Variants in NKTR observed in about 807,000 individuals in gnomAD.
NKTR encodes the protein NK-tumor recognition protein.
Under a neutral mutation model 156.3 loss-of-function variants are expected in NKTR, and 67 were observed. The observed-to-expected ratio is 0.43, with a 90% confidence interval of 0.35 to 0.53. NKTR has a LOEUF of 0.53. NKTR is among the 20% of genes least tolerant of loss of function. The pLI, the probability that NKTR is intolerant of heterozygous loss-of-function variation, is 0.01. For synonymous variants in NKTR, 640 were observed against 596.6 expected (o/e 1.07, Z -1.06); for missense variants, 1,604 against 1,730.9 (o/e 0.93, Z 1.30).
chr3:42,604,659 C>CCTT (rs1706021574), intron 2 of NKTR, among the ~76,000 whole-genome samples: 4 of 45,294 alleles, frequency 8.8e-5, no homozygotes, highest in Admixed American at 3.1e-4. Context: ...TATTTCTCTC[C>CCTT]TTTTTTTTTT....
At chr3:42,613,612 A>G (rs1307732071) in intron 2 of NKTR, among the ~76,000 whole-genome samples, 1 of 152,166 alleles carries the variant, frequency 6.6e-6, no homozygotes, top group Non-Finnish European at 1.5e-5. Flanking sequence ...TTCCAGCGCA[A>G]CTATTTCTGA....
At chr3:42,612,891 G>A (rs534275089) in intron 2 of NKTR, among the ~76,000 whole-genome samples, 13 of 151,974 alleles carry the variant, frequency 8.6e-5, no homozygotes, top group African/African-American at 3.1e-4. Flanking sequence ...TGATATCTTG[G>A]TGTTGCTCCA....
chr3:42,637,246 C>T lies in NKTR; in HGVS notation c.1542C>T (p.Ser514=). The change falls in exon 13 of 17, where the codon TCC becomes TCT. Residue 514 remains serine, a synonymous_variant. Coordinates refer to ENST00000232978, the MANE Select transcript of NKTR (RefSeq NM_005385.4). Reference sequence around the variant, plus strand: ...ATGTCCAGAGCTCTTTAACCCATTCCAGCAGAGACTCATACAGATCAAAAT... The same window carrying T: ...ATGTCCAGAGCTCTTTAACCCATTCTAGCAGAGACTCATACAGATCAAAAT... ...DKDVQSSLTH[S]SRDSYRSKSH... The T allele has an allele frequency of 6.2e-7, 1 of 1,612,030 alleles. No homozygotes were observed. The highest frequency in any genetic ancestry group is 8.5e-7 in the Non-Finnish European group (1 of 1,179,388).
At position 42,646,043 on chromosome 3, in the gene NKTR, C is replaced by A; in HGVS notation, c.*68C>A. 8.8e-7 allele frequency: 1 copy of A among 1,134,900 alleles called. No homozygotes were observed. The highest frequency in any genetic ancestry group is 1.3e-6 in the Non-Finnish European group (1 of 760,660). 70.3% of individuals were successfully genotyped at this position (1,134,900 alleles called of 1,614,324 possible). A position where few individuals can be genotyped will look rare whatever the true frequency, so the allele number is the denominator to read the frequency against. On this transcript the variant is annotated 3_prime_UTR_variant, in exon 17 of 17. Coordinates refer to ENST00000232978, the MANE Select transcript of NKTR (RefSeq NM_005385.4). ...CAACTTAGCTTAAGAAATGTAATGA[C>A]AGTCTGTTGTTCTATTTCAATATCA...
chr3:42,625,948 T>C (rs530039188), intron 6 of NKTR, among the ~76,000 whole-genome samples: 19 of 152,300 alleles, frequency 1.2e-4, no homozygotes, highest in African/African-American at 4.6e-4. Flanking sequence ...ACTTCTATTT[T>C]GGTGACTTTT....
rs139937562 is a variant in NKTR at position 42,605,892 on chromosome 3, C to G, written c.58+4828C>G. Among the ~76,000 whole-genome samples the G allele has an allele frequency of 4.9e-3, 752 of 152,228 alleles. 2 individuals carry two copies. Among genetic ancestry groups the G allele is most frequent in the Non-Finnish European group, 8.4e-3 (569 of 68,024 alleles). On this transcript the variant is annotated intron_variant, in intron 2 of 16. Coordinates refer to ENST00000232978, the MANE Select transcript of NKTR (RefSeq NM_005385.4). ...GAGAAGAGTAATTAAATAATGCCAT[C>G]TTATAGATTGTATTAGAGTAACATG...
rs772445330 is a variant in NKTR at position 42,636,943 on chromosome 3, A to T, written c.1239A>T (p.Gly413=). 3 of 1,603,882 alleles carry T rather than the reference A, an allele frequency of 1.9e-6. No homozygotes were observed. Among genetic ancestry groups the T allele is most frequent in the South Asian group, 2.3e-5 (2 of 88,574 alleles). Reference sequence around the variant, plus strand: ...GATCCAGATCATGGTCCTATAATGGATATTATTCAGACCTTAGTACAGCAA... The same window carrying T: ...GATCCAGATCATGGTCCTATAATGGTTATTATTCAGACCTTAGTACAGCAA... The part of the protein sequence containing the change: ...SQRSRSWSYN[G]YYSDLSTARH... Residue 413 remains glycine (G), a synonymous_variant, in exon 13 of 17, where the codon GGA becomes GGT. Coordinates refer to ENST00000232978, the MANE Select transcript of NKTR (RefSeq NM_005385.4).
At chr3:42,629,417 ATG>A (rs1184036542) in intron 6 of NKTR, 1 of 936,998 alleles carries the variant, frequency 1.1e-6, no homozygotes, top group East Asian at 1.2e-4. Context: ...AATATTCTTA[ATG>A]TAAGTATAAG....
At chr3:42,601,360 C>G (rs1485190762) in intron 2 of NKTR, 1 of 270,940 alleles carries the variant, frequency 3.7e-6, no homozygotes, top group Non-Finnish European at 7.0e-6. Context: ...AGGACTTTTT[C>G]TCTCCCAGTG....
Position 42,617,636 on chromosome 3 carries a change from T to A in NKTR, c.125T>A (p.Leu42Ter). Residue 42 changes from leucine (L) to a stop codon, truncating the protein, a stop_gained, in exon 3 of 17, where the codon TTG (leucine) becomes TAG (stop). Transcript: ENST00000232978. LOFTEE classifies it high-confidence loss of function. ...AAAACATGCAAAAACTTCCTTTGCT[T>A]GTGCTCAGGTAAGTGAATTATTATT... is the stretch of plus-strand genomic sequence containing the variant. ...CPKTCKNFLC[L>*]CSGEKGLGKT... 6.4e-7 allele frequency: 1 copy of A among 1,569,828 alleles called. No individual in the cohort carries two copies. The highest frequency in any genetic ancestry group is 8.8e-7 in the Non-Finnish European group (1 of 1,139,930).
At chr3:42,635,446 T>C (rs1193188125) in intron 12 of NKTR, 80 bp downstream of exon 12, 15 of 1,108,474 alleles carry the variant, frequency 1.4e-5, no homozygotes, top group Non-Finnish European at 1.9e-5. Context: ...TTCTGGACTT[T>C]TCATTAAAGA....
chr3:42,609,587 C>G (rs2125766147), intron 2 of NKTR, among the ~76,000 whole-genome samples: 1 of 152,276 alleles, frequency 6.6e-6, no homozygotes, highest in African/African-American at 2.4e-5. Flanking sequence ...GTCAAGTTCC[C>G]TCAGAAATCT....
At position 42,646,764 on chromosome 3, in the gene NKTR, T is replaced by C. The variant is rs1300169314; in HGVS notation, c.*789T>C. 1 of 152,662 alleles carries C rather than the reference T, an allele frequency of 6.6e-6. No individual in the cohort carries two copies. Among genetic ancestry groups the C allele is most frequent in the Non-Finnish European group, 1.5e-5 (1 of 68,042 alleles). The allele number at this position is 152,662 out of a possible 1,614,324, so 9.5% of individuals were successfully genotyped here. On this transcript the variant is annotated 3_prime_UTR_variant, in exon 17 of 17. Transcript: ENST00000232978. ...TTGGTGCGTCTTTAAGCATTACTCT[T>C]ATATATCATATATTAAAATACCATA... is the stretch of plus-strand genomic sequence containing the variant.
chr3:42,632,532 T>C, intron 8 of NKTR, 69 bp from the exon 9 acceptor site: 2 of 882,622 alleles, frequency 2.3e-6, no homozygotes, highest in South Asian at 3.4e-5. Context: ...TATTCAGTAA[T>C]CACATTTTTT....
intron 2 of NKTR, among the ~76,000 whole-genome samples, chr3:42,608,179 C>G (rs1297700504): frequency 6.6e-6 from 1 of 151,550 alleles, no homozygotes; most frequent in African/African-American, 2.4e-5. Context: ...TTATTAGATA[C>G]AGGGTTTCAC....
At chr3:42,609,114 C>T (rs1706522936) in intron 2 of NKTR, among the ~76,000 whole-genome samples, 1 of 148,126 alleles carries the variant, frequency 6.8e-6, no homozygotes, top group Non-Finnish European at 1.5e-5. Flanking sequence ...GGCAATAGAG[C>T]AAGACTCATA....
chr3:42,620,779 G>A (rs533304851), intron 5 of NKTR: 1 of 984,882 alleles, frequency 1.0e-6, no homozygotes, highest in East Asian at 1.1e-4. Context: ...TAAAACTAAT[G>A]CTGTAGGCCA....
intron 14 of NKTR, 67 bp downstream of exon 14, chr3:42,642,663 G>A (rs767593989): frequency 2.8e-6 from 3 of 1,084,116 alleles, no homozygotes; most frequent in Non-Finnish European, 4.3e-6. Flanking sequence ...TACATAGGCA[G>A]AGGGGGTAGT....
At chr3:42,601,339 G>A (rs1705433339) in intron 2 of NKTR, 1 of 318,658 alleles carries the variant, frequency 3.1e-6, no homozygotes, top group Non-Finnish European at 5.8e-6. Flanking sequence ...AAAAGGAGGT[G>A]CAGTTCTTTG....
Sources: gnomAD v4.1 joint callset for allele counts (sites outside exome capture counted in the v4.1 genomes callset) on GRCh38, gnomAD v4.1.1 for gene constraint, MANE v1.5 for transcripts, NCBI Gene and HGNC (gene_info 2026-07-23, HGNC 2026-07-21) for gene names.